The following SLC35F3 variants were observed in gnomAD, a reference collection of about 807,000 sequenced individuals.
SLC35F3 encodes solute carrier family 35 member F3.
Under a neutral mutation model 49.9 loss-of-function variants are expected in SLC35F3, and 25 were observed. The observed-to-expected ratio is 0.50, with a 90% CI of 0.37 to 0.70. SLC35F3 has a LOEUF of 0.70. Ranked by LOEUF, SLC35F3 falls within the 30% of genes least tolerant of loss-of-function variation. The probability of loss-of-function intolerance (pLI) is 0.00; values close to 1 mark genes in which losing one functional copy is unlikely to be tolerated. For synonymous variants in SLC35F3, 275 were observed against 265.4 expected, an observed-to-expected ratio of 1.04 and a Z score of -0.35; for missense variants, 525 against 639.8, an observed-to-expected ratio of 0.82 and a Z score of 1.94.
intron 2 of SLC35F3, among the ~76,000 whole-genome samples, chr1:233,931,676 C>T (rs1052269655): frequency 6.6e-5 from 10 of 152,282 alleles, no homozygotes; most frequent in Admixed American, 2.0e-4. Context: ...GAAATAGGAA[C>T]GCTTTTACAC....
At chr1:233,944,500 A>G (rs995267682) in intron 2 of SLC35F3, among the ~76,000 whole-genome samples, 1 of 152,106 alleles carries the variant, frequency 6.6e-6, no homozygotes, top group African/African-American at 2.4e-5. Flanking sequence ...AAGCTTCTAC[A>G]TCTAGTAGAG....
chr1:233,990,167 T>C (rs1663329096), intron 2 of SLC35F3, among the ~76,000 whole-genome samples: 1 of 152,218 alleles, frequency 6.6e-6, no homozygotes, highest in Admixed American at 6.5e-5. Flanking sequence ...TTTTCATCCT[T>C]TAAAATATAT....
At chr1:233,982,216 C>A (rs754940371) in intron 2 of SLC35F3, among the ~76,000 whole-genome samples, 10 of 152,312 alleles carry the variant, frequency 6.6e-5, no homozygotes, top group African/African-American at 2.2e-4. Flanking sequence ...TGAGCCATGA[C>A]GCCCAGCTGT....
At chr1:234,147,154 A>C (rs898274585) in intron 2 of SLC35F3, among the ~76,000 whole-genome samples, 1 of 151,748 alleles carries the variant, frequency 6.6e-6, no homozygotes, top group Non-Finnish European at 1.5e-5. Flanking sequence ...ACTGTATTAA[A>C]GGATGGACTT....
intron 2 of SLC35F3, among the ~76,000 whole-genome samples, chr1:233,979,040 TA>T (rs112116771): frequency 1.0e-3 from 105 of 101,864 alleles, no homozygotes; most frequent in East Asian, 1.0e-3. Flanking sequence ...CGTTTCCAAT[TA>T]AAAAAAAAAA....
In SLC35F3 at chr1:234,320,052, C is replaced by A; in HGVS notation, c.1148-46C>A. 1 of 1,360,578 alleles carries A rather than the reference C, an allele frequency of 7.3e-7. No individual in the cohort carries two copies. The highest frequency in any genetic ancestry group is 1.1e-6 in the Non-Finnish European group (1 of 949,188). 84.3% of individuals were successfully genotyped at this position (1,360,578 alleles called of 1,614,324 possible). On this transcript the variant is annotated intron_variant, in intron 6 of 7. Transcript: ENST00000366618. The surrounding 1 kb of genome is among the most constrained non-coding windows in gnomAD (Gnocchi z 4.8). The stretch of plus-strand genomic sequence containing the variant: ...GATAGGCCAGCAGGGAGGTAAAGTA[C>A]ACAGCAGTCATGAATAACACTCGTT...
At chr1:234,288,197 A>G (rs1313563682) in intron 3 of SLC35F3, among the ~76,000 whole-genome samples, 1 of 152,072 alleles carries the variant, frequency 6.6e-6, no homozygotes, top group Non-Finnish European at 1.5e-5. Flanking sequence ...TGCTGGGAAA[A>G]TCTTTATGTA....
chr1:234,224,490 A>T, intron 2 of SLC35F3, among the ~76,000 whole-genome samples: 1 of 152,238 alleles, frequency 6.6e-6, no homozygotes, highest in Non-Finnish European at 1.5e-5. Context: ...CTCTTTCCAG[A>T]ATAGCATATC....
intron 2 of SLC35F3, among the ~76,000 whole-genome samples, chr1:234,018,476 TCTC>T (rs1295417166): frequency 6.6e-6 from 1 of 152,124 alleles, no homozygotes; most frequent in Admixed American, 6.5e-5. Flanking sequence ...TTCTCCTGCT[TCTC>T]CTTCCTTTTT....
intron 2 of SLC35F3, among the ~76,000 whole-genome samples, chr1:233,933,617 G>A (rs900278983): frequency 1.3e-5 from 2 of 152,164 alleles, no homozygotes; most frequent in African/African-American, 2.4e-5. Flanking sequence ...TGGGGAGGCC[G>A]AGGCGGGCAG....
chr1:234,303,584 C>T (rs1668725836), intron 3 of SLC35F3, among the ~76,000 whole-genome samples: 1 of 152,218 alleles, frequency 6.6e-6, no homozygotes, highest in Non-Finnish European at 1.5e-5. Context: ...CTTCAATCTA[C>T]CTCCACCTTT....
intron 2 of SLC35F3, among the ~76,000 whole-genome samples, chr1:234,072,631 T>C (rs1664734222): frequency 1.3e-5 from 2 of 151,072 alleles, no homozygotes. Context: ...GAGAAAGGGG[T>C]GGGGGGCTGT....
At chr1:234,293,008 T>C (rs1668533535) in intron 3 of SLC35F3, among the ~76,000 whole-genome samples, 1 of 152,238 alleles carries the variant, frequency 6.6e-6, no homozygotes, top group African/African-American at 2.4e-5. Context: ...TTACAGCTAA[T>C]TCATTTTTAG....
intron 2 of SLC35F3, among the ~76,000 whole-genome samples, chr1:234,092,854 C>A (rs1665064480): frequency 6.6e-6 from 1 of 152,104 alleles, no homozygotes; most frequent in Non-Finnish European, 1.5e-5. Flanking sequence ...GATGACAGAG[C>A]AAGACCCTGT....
At chr1:234,132,675 AT>A (rs1665753055) in intron 2 of SLC35F3, among the ~76,000 whole-genome samples, 1 of 152,150 alleles carries the variant, frequency 6.6e-6, no homozygotes, top group Admixed American at 6.5e-5. Flanking sequence ...TCATTTGCTG[AT>A]TTTTATTGCA....
chr1:234,061,995 A>C (rs957289118), intron 2 of SLC35F3, among the ~76,000 whole-genome samples: 1 of 151,862 alleles, frequency 6.6e-6, no homozygotes, highest in Non-Finnish European at 1.5e-5. Flanking sequence ...TATTTTTTGG[A>C]GGTATGGGTC....
At chr1:234,077,532 C>T (rs868211191) in intron 2 of SLC35F3, among the ~76,000 whole-genome samples, 34 of 152,318 alleles carry the variant, frequency 2.2e-4, no homozygotes, top group African/African-American at 7.0e-4. Flanking sequence ...TCAATTACCT[C>T]CACCTTGTTT....
At chr1:234,211,386 T>A (rs1249816506) in intron 2 of SLC35F3, among the ~76,000 whole-genome samples, 1 of 152,144 alleles carries the variant, frequency 6.6e-6, no homozygotes. Context: ...ACAGACAGCT[T>A]GCACTCTGTG....
intron 2 of SLC35F3, among the ~76,000 whole-genome samples, chr1:234,103,246 C>A (rs962524143): frequency 1.7e-4 from 26 of 152,092 alleles, no homozygotes; most frequent in African/African-American, 6.0e-4. Context: ...TTGGTACCCA[C>A]CCCCACCCTC....
Sources: gnomAD v4.1 joint callset for allele counts (sites outside exome capture counted in the v4.1 genomes callset) on GRCh38, gnomAD v4.1.1 for gene constraint, Gnocchi (gnomAD v3.1) non-coding constraint, MANE v1.5 for transcripts, NCBI Gene and HGNC (gene_info 2026-07-23, HGNC 2026-07-21) for gene names.